Variants in ERBB4 observed in about 807,000 individuals in gnomAD.
The protein encoded by ERBB4 is erb-b2 receptor tyrosine kinase 4.
In ERBB4, 42 loss-of-function variants were observed where a neutral mutation model predicts 158.0. That is an observed-to-expected ratio of 0.27 (90% confidence interval 0.21 to 0.34). The LOEUF (loss-of-function observed/expected upper bound fraction) is 0.34. ERBB4 is among the 10% of genes least tolerant of loss of function. ERBB4 has a pLI of 1.00. For missense variants in ERBB4, 1,333 were observed against 1,624.1 expected, an observed-to-expected ratio of 0.82 and a Z score of 3.08; for synonymous variants, 583 against 558.7, an observed-to-expected ratio of 1.04 and a Z score of -0.61.
chr2:211,651,095 A>G (rs1030011463), intron 16 of ERBB4, among the ~76,000 whole-genome samples: 26 of 152,170 alleles, frequency 1.7e-4, no homozygotes, highest in Admixed American at 1.4e-3. Context: ...GTACTGCACA[A>G]TAATGCAGCA....
chr2:211,634,959 A>AC (rs2070303612), intron 16 of ERBB4, among the ~76,000 whole-genome samples: 1 of 152,182 alleles, frequency 6.6e-6, no homozygotes, highest in Non-Finnish European at 1.5e-5. Context: ...GGCATGAGCC[A>AC]CCACTCCAGG....
intron 3 of ERBB4, among the ~76,000 whole-genome samples, chr2:211,870,572 C>T (rs1158236842): frequency 2.0e-5 from 3 of 152,024 alleles, no homozygotes; most frequent in Non-Finnish European, 4.4e-5. Flanking sequence ...GTGATATGTT[C>T]TAATAGACCA....
chr2:211,577,395 G>C (rs1486577230), intron 19 of ERBB4, among the ~76,000 whole-genome samples: 2 of 152,034 alleles, frequency 1.3e-5, no homozygotes, highest in East Asian at 3.9e-4. Flanking sequence ...ATAAATAACA[G>C]ATAATCAAGT....
At chr2:211,947,325 C>T (rs760053711) in intron 3 of ERBB4, 105 bp downstream of exon 3, 137 of 905,516 alleles carry the variant, frequency 1.5e-4, no homozygotes, top group Middle Eastern at 6.3e-4. Flanking sequence ...TATTTAAATG[C>T]CTTAGAGTGT....
chr2:211,982,555 C>T (rs1026239507), intron 2 of ERBB4, among the ~76,000 whole-genome samples: 4 of 152,088 alleles, frequency 2.6e-5, no homozygotes, highest in South Asian at 2.1e-4. Flanking sequence ...AGAGCAAGAC[C>T]GCACAGCCTT....
intron 1 of ERBB4, among the ~76,000 whole-genome samples, chr2:212,206,796 G>A (rs1016063171): frequency 6.6e-6 from 1 of 151,720 alleles, no homozygotes; most frequent in Non-Finnish European, 1.5e-5. Context: ...CACCGTGTTA[G>A]CCAGGATGGT....
chr2:211,904,911 G>A (rs1218885908), intron 3 of ERBB4, among the ~76,000 whole-genome samples: 1 of 152,060 alleles, frequency 6.6e-6, no homozygotes, highest in African/African-American at 2.4e-5. Context: ...ATTAGTAATT[G>A]AAAAGATTCT....
chr2:211,527,051 C>A (rs1259795543), intron 20 of ERBB4, among the ~76,000 whole-genome samples: 1 of 152,002 alleles, frequency 6.6e-6, no homozygotes, highest in East Asian at 1.9e-4. Flanking sequence ...AATAAGAGAA[C>A]TTCCCACACC....
chr2:212,238,232 T>A lies in ERBB4; in HGVS notation c.83-113329A>T, dbSNP rs573333348. The stretch of plus-strand genomic sequence containing the variant: ...ATAGGCACCCAAGGGAATCTCCTGT[T>A]GTTGGGTTGCGAAGACTGTAGGAAA... On this transcript the variant is annotated intron_variant, in intron 1 of 27. Coordinates refer to ENST00000342788, the MANE Select transcript of ERBB4 (RefSeq NM_005235.3). 2.8e-3 allele frequency among the ~76,000 whole-genome samples: 425 copies of A among 152,308 alleles called. 3 individuals carry two copies. Among genetic ancestry groups the A allele is most frequent in the Non-Finnish European group, 5.1e-3 (344 of 68,026 alleles).
intron 2 of ERBB4, among the ~76,000 whole-genome samples, chr2:212,020,831 T>C (rs2076632788): frequency 6.6e-6 from 1 of 152,172 alleles, no homozygotes; most frequent in South Asian, 2.1e-4. Context: ...GTTTCCATTT[T>C]GGTGCCATTA....
intron 2 of ERBB4, among the ~76,000 whole-genome samples, chr2:212,031,602 A>G (rs549061069): frequency 2.0e-5 from 3 of 152,254 alleles, no homozygotes; most frequent in African/African-American, 7.2e-5. Flanking sequence ...TTGATGATAG[A>G]ATGACCAGAC....
chr2:211,548,933 C>T (rs1024617842), intron 20 of ERBB4, among the ~76,000 whole-genome samples: 5 of 152,128 alleles, frequency 3.3e-5, no homozygotes, highest in Non-Finnish European at 2.9e-5. Flanking sequence ...CCTGCACCAA[C>T]ATTTCAATAG....
chr2:212,502,163 T>C (rs1011588558), intron 1 of ERBB4, among the ~76,000 whole-genome samples: 2 of 152,086 alleles, frequency 1.3e-5, no homozygotes, highest in African/African-American at 2.4e-5. Context: ...TTTATTAATG[T>C]ATAACTATAT....
Position 211,422,085 on chromosome 2 carries a change from G to C in ERBB4, c.2886C>G (p.Asp962Glu), listed in dbSNP as rs1398041219. ...VMVKCWMIDA[D>E]SRPKFKELAA... Reference sequence around the variant, plus strand: ...CCAGTTCCTTAAATTTAGGTCTACTGTCAGCATCAATCATCCAACCTGGAA... The same window carrying C: ...CCAGTTCCTTAAATTTAGGTCTACTCTCAGCATCAATCATCCAACCTGGAA... The change falls in exon 24 of 28, where the codon GAC (aspartate) becomes GAG (glutamate). Residue 962 changes from aspartate to glutamate, a missense_variant. Transcript: ENST00000342788. 2 of 1,610,134 alleles carry C rather than the reference G, an allele frequency of 1.2e-6. No homozygotes were observed. Among genetic ancestry groups the C allele is most frequent in the Non-Finnish European group, 8.5e-7 (1 of 1,176,622 alleles).
At chr2:211,930,510 G>C (rs1241606512) in intron 3 of ERBB4, among the ~76,000 whole-genome samples, 1 of 152,084 alleles carries the variant, frequency 6.6e-6, no homozygotes, top group African/African-American at 2.4e-5. Flanking sequence ...TGGTTACCGA[G>C]TCTGCAAACC....
chr2:211,882,643 A>G (rs566626836), intron 3 of ERBB4, among the ~76,000 whole-genome samples: 34 of 152,246 alleles, frequency 2.2e-4, no homozygotes, highest in Non-Finnish European at 4.6e-4. Flanking sequence ...ATGCTAACAC[A>G]GCAATATTAT....
intron 1 of ERBB4, among the ~76,000 whole-genome samples, chr2:212,143,789 G>A (rs576392449): frequency 8.6e-5 from 13 of 151,972 alleles, no homozygotes; most frequent in Non-Finnish European, 1.8e-4. Flanking sequence ...AGGCCGAGGC[G>A]GGCGGATCAC....
intron 18 of ERBB4, among the ~76,000 whole-genome samples, chr2:211,620,874 G>C (rs1055116114): frequency 6.6e-6 from 1 of 152,176 alleles, no homozygotes; most frequent in Non-Finnish European, 1.5e-5. Context: ...GGGAGACTGA[G>C]GCAGGAGGGT....
intron 3 of ERBB4, among the ~76,000 whole-genome samples, chr2:211,845,796 A>G (rs539049334): frequency 2.3e-4 from 35 of 152,130 alleles, no homozygotes; most frequent in Non-Finnish European, 5.0e-4. Flanking sequence ...AATCTTATCT[A>G]CTTTTTGTCA....
Sources: allele counts gnomAD v4.1 joint callset (sites outside exome capture counted in the v4.1 genomes callset), GRCh38; gene constraint gnomAD v4.1.1; transcripts MANE v1.5; gene names NCBI Gene and HGNC (gene_info 2026-07-23, HGNC 2026-07-21).